The following PSG5 variants were observed in gnomAD, a reference collection of about 807,000 sequenced individuals.
PSG5 encodes pregnancy specific beta-1-glycoprotein 5, also known as pregnancy-specific beta-1-glycoprotein 5.
In PSG5, 53 loss-of-function variants were observed where a neutral mutation model predicts 37.7. The ratio of observed to expected loss-of-function variants is 1.41; its 90% CI spans 1.13 to 1.77. The LOEUF (loss-of-function observed/expected upper bound fraction) is 1.77. Among genes scored for constraint, PSG5 ranks in the 40% most tolerant of loss-of-function variants. The pLI is 0.00. For synonymous variants in PSG5, 221 were observed against 155.4 expected, an observed-to-expected ratio of 1.42 and a Z score of -3.14; for missense variants, 547 against 405.2, an observed-to-expected ratio of 1.35 and a Z score of -3.00.
At chr19:43,186,095 G>C (rs1201081092) in intron 1 of PSG5, among the ~76,000 whole-genome samples, 2 of 151,026 alleles carry the variant, frequency 1.3e-5, no homozygotes, top group Non-Finnish European at 1.5e-5. Flanking sequence ...TCCTGCCTCA[G>C]CCTCCAGAGT....
rs1411874000 is a variant in PSG5, at chr19:43,167,992, GT to G, written c.*251del. On this transcript the variant is annotated 3_prime_UTR_variant, in exon 6 of 6. Transcript: ENST00000342951. ...TGATTATTTAGTCCAATAACATGGA[GT>G]TTTTTTCTTCTTTGTCTAGAATTTC... 9.8e-6 allele frequency: 4 copies of G among 409,286 alleles called. No individual in the cohort carries two copies. Among genetic ancestry groups the G allele is most frequent in the African/African-American group, 6.2e-5 (3 of 48,200 alleles). 25.4% of individuals were successfully genotyped at this position (409,286 alleles called of 1,614,324 possible). A position where few individuals can be genotyped will look rare whatever the true frequency, so the allele number is the denominator to read the frequency against.
At chr19:43,168,613 G>C (rs1168690408) in intron 5 of PSG5, among the ~76,000 whole-genome samples, 18 of 151,698 alleles carry the variant, frequency 1.2e-4, no homozygotes, top group East Asian at 3.9e-4. Flanking sequence ...ACATCGTGAT[G>C]TGCCCACCTC....
At chr19:43,186,000 A>G (rs1412500657) in intron 1 of PSG5, among the ~76,000 whole-genome samples, 4 of 149,372 alleles carry the variant, frequency 2.7e-5, no homozygotes, top group African/African-American at 9.9e-5. Context: ...TTTTTGAGAC[A>G]GAGTCTCGTA....
intron 4 of PSG5, chr19:43,171,222 A>G (rs1968899075): frequency 6.6e-6 from 1 of 151,572 alleles, no homozygotes; most frequent in African/African-American, 2.4e-5. Flanking sequence ...TTTGACCTCA[A>G]GGCTAATGAT....
chr19:43,177,127 T>G (rs1365513633), intron 2 of PSG5, among the ~76,000 whole-genome samples: 1 of 151,594 alleles, frequency 6.6e-6, no homozygotes, highest in African/African-American at 2.4e-5. Context: ...ATTCGACTAC[T>G]CTAGGGACCT....
Position 43,174,572 on chromosome 19 carries a change from C to T in PSG5, c.964+643G>A, listed in dbSNP as rs142400180. 242 of 938,322 alleles carry T rather than the reference C, an allele frequency of 2.6e-4. 6 individuals carry two copies. The African/African-American group carries it at 4.1e-3, about 16-fold the overall frequency. 58.1% of individuals were successfully genotyped at this position (938,322 alleles called of 1,614,324 possible). On this transcript the variant is annotated intron_variant, in intron 4 of 5. Coordinates refer to ENST00000342951, the MANE Select transcript of PSG5 (RefSeq NM_002781.4). Reference sequence around the variant, plus strand: ...ACGCAGGAGTCTTCCCTGAGGCTCCCTCTCTTCTTATTTCCCTGCAGCCTG... The same window carrying T: ...ACGCAGGAGTCTTCCCTGAGGCTCCTTCTCTTCTTATTTCCCTGCAGCCTG...
At chr19:43,173,270 A>G (rs1968940783) in intron 4 of PSG5, among the ~76,000 whole-genome samples, 1 of 151,724 alleles carries the variant, frequency 6.6e-6, no homozygotes, top group African/African-American at 2.4e-5. Flanking sequence ...GAACTCTTAG[A>G]AGAAAAGCTT....
rs376276637 is a variant in PSG5, at chr19:43,175,315, G to A, written c.864C>T (p.Ile288=). ...CTCTATGCTTTGTAGTAATTTGGGG[G>A]ATAGAGAGCTTTTGTCCTGATTGCT... The part of the protein sequence containing the change: ...KFQQSGQKLS[I]PQITTKHRGL... The change falls in exon 4 of 6, where the codon ATC becomes ATT. Residue 288 remains isoleucine (I), a synonymous_variant. Coordinates refer to ENST00000342951, the MANE Select transcript of PSG5 (RefSeq NM_002781.4). 5.6e-6 allele frequency: 9 copies of A among 1,612,694 alleles called. No individual in the cohort carries two copies. In the Admixed American group the frequency reaches 1.0e-4, roughly 18 times the overall value.
chr19:43,175,122 G>A, intron 4 of PSG5, 93 bp downstream of exon 4: 4 of 1,607,652 alleles, frequency 2.5e-6, no homozygotes, highest in Admixed American at 1.7e-5. Context: ...ATGGGACACA[G>A]GCTGGGAATA....
At chr19:43,174,305 C>T (rs1968959712) in intron 4 of PSG5, 1 of 413,884 alleles carries the variant, frequency 2.4e-6, no homozygotes, top group Admixed American at 6.5e-5. Flanking sequence ...TTACACAACA[C>T]TAAATTGCAC....
Position 43,176,065 on chromosome 19 carries a change from T to G in PSG5, c.514A>C (p.Lys172Gln). The part of the protein sequence containing the change: ...KDVLAFTCEP[K>Q]SENYTYIWWL... ...CAAATGTAGGTGTAGTTCTCACTCT[T>G]AGGTTCACAGGTGAAGGCTAAGACA... The change falls in exon 3 of 6, where the codon AAG becomes CAG. Residue 172 changes from lysine to glutamine, a missense_variant. Physicochemically the swap from Lys to Gln is moderately conservative, Grantham distance 53. Coordinates refer to ENST00000342951, the MANE Select transcript of PSG5 (RefSeq NM_002781.4). 1 of 1,611,056 alleles carries G rather than the reference T, an allele frequency of 6.2e-7. No homozygotes were observed. The highest frequency in any genetic ancestry group is 1.3e-5 in the African/African-American group (1 of 74,542).
In PSG5 at chr19:43,175,671, C is replaced by G. The variant is rs1285123043; in HGVS notation, c.709+199G>C. The G allele has an allele frequency of 7.9e-6, 11 of 1,389,076 alleles. 1 individual carries two copies. The highest frequency in any genetic ancestry group is 1.1e-5 in the Non-Finnish European group (11 of 1,032,878). 86.0% of individuals were successfully genotyped at this position (1,389,076 alleles called of 1,614,324 possible). ...GCTATTGACACAAAGTCTCCCATGA[C>G]AAGAGCGCCCCCTCCCCTTATATTC... On this transcript the variant is annotated intron_variant, in intron 3 of 5. Transcript: ENST00000342951.
intron 2 of PSG5, among the ~76,000 whole-genome samples, 184 bp from the exon 3 acceptor site, chr19:43,176,332 C>A (rs1379763958): frequency 1.3e-5 from 2 of 151,562 alleles, no homozygotes; most frequent in Non-Finnish European, 2.9e-5. Context: ...GTGAGGCCAC[C>A]TGCTCTGTTT....
intron 4 of PSG5, 171 bp from the exon 5 acceptor site, chr19:43,170,309 C>A: frequency 1.4e-6 from 1 of 702,610 alleles, no homozygotes; most frequent in Non-Finnish European, 2.1e-6. Flanking sequence ...TTTTTTTTTT[C>A]CCTCTCACCA....
chr19:43,186,008 G>A (rs1023997517), intron 1 of PSG5, among the ~76,000 whole-genome samples: 1 of 149,196 alleles, frequency 6.7e-6, no homozygotes, highest in Non-Finnish European at 1.5e-5. Flanking sequence ...ACAGAGTCTC[G>A]TACTGTCACC....
chr19:43,170,265 G>A lies in PSG5; in HGVS notation c.965-127C>T. 13 of 947,182 alleles carry A rather than the reference G, an allele frequency of 1.4e-5. No individual in the cohort carries two copies. The South Asian group carries it at 1.7e-4, about 12-fold the overall frequency. The allele number at this position is 947,182 out of a possible 1,614,324, so 58.7% of individuals were successfully genotyped here. On this transcript the variant is annotated intron_variant, in intron 4 of 5. Coordinates refer to ENST00000342951, the MANE Select transcript of PSG5 (RefSeq NM_002781.4). ...CTTCAAGTACTACATTATTCCTCTT[G>A]GGAAATTGATGGGAGATGATTATAT... is the stretch of plus-strand genomic sequence containing the variant.
At chr19:43,175,687 C>G in intron 3 of PSG5, 183 bp downstream of exon 3, 1 of 1,406,522 alleles carries the variant, frequency 7.1e-7, no homozygotes, top group South Asian at 1.4e-5. Flanking sequence ...CGCCCCCTCC[C>G]CTTATATTCC....
intron 4 of PSG5, among the ~76,000 whole-genome samples, chr19:43,172,331 A>T (rs1412167637): frequency 6.6e-6 from 1 of 151,718 alleles, no homozygotes; most frequent in Non-Finnish European, 1.5e-5. Context: ...GAGCAGGAAC[A>T]AGACAAGGAT....
At position 43,177,502 on chromosome 19, in the gene PSG5, C is replaced by T. The variant is rs529952455; in HGVS notation, c.431-1354G>A. ...GGGAGGTGATAAGCCAAATATATTC[C>T]TGCCCTTTTTTTTTTTTATCTCACC... On this transcript the variant is annotated intron_variant, in intron 2 of 5. Coordinates refer to ENST00000342951, the MANE Select transcript of PSG5 (RefSeq NM_002781.4). Among the ~76,000 whole-genome samples the T allele has an allele frequency of 4.6e-4, 70 of 150,674 alleles. 5 individuals carry two copies. Among genetic ancestry groups the T allele is most frequent in the Non-Finnish European group, 9.9e-4 (67 of 67,760 alleles).
Sources: allele counts gnomAD v4.1 joint callset (sites outside exome capture counted in the v4.1 genomes callset), GRCh38; gene constraint gnomAD v4.1.1; transcripts MANE v1.5; gene names NCBI Gene and HGNC (gene_info 2026-07-23, HGNC 2026-07-21).